Variants in TAF2 observed in about 807,000 individuals in gnomAD.
The protein encoded by TAF2 is transcription initiation factor TFIID subunit 2.
In TAF2, 61 loss-of-function variants were observed where a neutral mutation model predicts 138.5. That is an observed-to-expected ratio of 0.44 (90% CI 0.36 to 0.54). TAF2 has a LOEUF of 0.54. TAF2 is among the 20% of genes least tolerant of loss of function. The pLI is 0.00. For missense variants in TAF2, 1,090 were observed against 1,427.9 expected (o/e 0.76, Z 3.81); for synonymous variants, 475 against 469.9 (o/e 1.01, Z -0.14).
intron 20 of TAF2, among the ~76,000 whole-genome samples, chr8:119,759,240 A>C (rs1299330813): frequency 6.6e-6 from 1 of 152,150 alleles, no homozygotes; most frequent in Non-Finnish European, 1.5e-5. Flanking sequence ...CTTCAATAAA[A>C]AGGAAGCACA....
chr8:119,828,755 A>T (rs946952236), intron 2 of TAF2, among the ~76,000 whole-genome samples: 3 of 152,216 alleles, frequency 2.0e-5, no homozygotes, highest in African/African-American at 7.2e-5. Flanking sequence ...CACTAGAGGT[A>T]GCTAATATTT....
intron 5 of TAF2, among the ~76,000 whole-genome samples, chr8:119,802,696 T>C (rs181702038): frequency 6.6e-6 from 1 of 152,170 alleles, no homozygotes; most frequent in African/African-American, 2.4e-5. Context: ...GTGGATTACC[T>C]GAGGTCAGGA....
chr8:119,819,919 C>T (rs1825713545), intron 2 of TAF2, among the ~76,000 whole-genome samples: 2 of 152,006 alleles, frequency 1.3e-5, no homozygotes, highest in Non-Finnish European at 2.9e-5. Context: ...AAAATTATAC[C>T]ACTGAAGCTA....
At chr8:119,831,420 A>C (rs1182133674) in intron 2 of TAF2, among the ~76,000 whole-genome samples, 1 of 152,190 alleles carries the variant, frequency 6.6e-6, no homozygotes, top group Non-Finnish European at 1.5e-5. Context: ...ACAGGCTTTC[A>C]TATTATACAC....
intron 22 of TAF2, among the ~76,000 whole-genome samples, chr8:119,755,672 G>C (rs1820655112): frequency 1.3e-5 from 2 of 152,086 alleles, no homozygotes; most frequent in Middle Eastern, 3.4e-3. Flanking sequence ...CCACTAGATG[G>C]CCAGGGAAAG....
At chr8:119,789,127 A>C (rs768807085) in intron 12 of TAF2, among the ~76,000 whole-genome samples, 6 of 152,222 alleles carry the variant, frequency 3.9e-5, no homozygotes, top group Non-Finnish European at 7.3e-5. Context: ...TTGTGTTTTG[A>C]AAGAAGCAGA....
Position 119,789,729 on chromosome 8 carries a change from T to C in TAF2, c.1431A>G (p.Leu477=), listed in dbSNP as rs759874674. 17 of 1,613,648 alleles carry C rather than the reference T, an allele frequency of 1.1e-5. No homozygotes were observed. Among genetic ancestry groups the C allele is most frequent in the Non-Finnish European group, 6.8e-6 (8 of 1,179,890 alleles). Residue 477 remains leucine, a synonymous_variant, in exon 12 of 26, where the codon CTA becomes CTG. Coordinates refer to ENST00000378164, the MANE Select transcript of TAF2 (RefSeq NM_003184.4). The part of the protein sequence containing the change: ...EFMLQVFNKL[L]SLASTASSQK... ...GAGATGAAGCAGTACTAGCCAGACTTAGCAGTTTATTGAAAACCTGTAAGG... is the reference window on the plus strand; with the variant it reads ...GAGATGAAGCAGTACTAGCCAGACTCAGCAGTTTATTGAAAACCTGTAAGG...
At chr8:119,790,992 G>A (rs1249886876) in intron 11 of TAF2, among the ~76,000 whole-genome samples, 1 of 151,410 alleles carries the variant, frequency 6.6e-6, no homozygotes, top group East Asian at 1.9e-4. Context: ...AGATGGGGGG[G>A]GTCTTACTAT....
chr8:119,743,895 CATA>C (rs1226733549), intron 24 of TAF2, among the ~76,000 whole-genome samples: 2 of 152,000 alleles, frequency 1.3e-5, no homozygotes, highest in Non-Finnish European at 2.9e-5. Flanking sequence ...AAATGACTGA[CATA>C]ATATTATATG....
intron 6 of TAF2, among the ~76,000 whole-genome samples, chr8:119,798,066 T>C (rs576062970): frequency 2.6e-5 from 4 of 152,252 alleles, no homozygotes; most frequent in Admixed American, 2.6e-4. Flanking sequence ...GGATTATAAG[T>C]CTGTGGAATG....
At chr8:119,737,198 C>T (rs1240960408) in intron 25 of TAF2, among the ~76,000 whole-genome samples, 1 of 152,084 alleles carries the variant, frequency 6.6e-6, no homozygotes, top group Non-Finnish European at 1.5e-5. Flanking sequence ...TTAGAGTCAA[C>T]TGAAACTTAA....
Position 119,731,513 on chromosome 8 carries a change from G to A in TAF2, c.*411C>T. 4.3e-6 allele frequency: 1 copy of A among 232,444 alleles called. No individual in the cohort carries two copies. 14.4% of individuals were successfully genotyped at this position (232,444 alleles called of 1,614,324 possible). A position where few individuals can be genotyped will look rare whatever the true frequency, so the allele number is the denominator to read the frequency against. ...CAATATTTCACTGGAGATAGTGGTT[G>A]CACCACAGATTTGGCAGTTGCTTCT... On this transcript the variant is annotated 3_prime_UTR_variant, in exon 26 of 26. Transcript: ENST00000378164.
In TAF2 at chr8:119,742,518, GATTA is replaced by G. The variant is rs1185635258; in HGVS notation, c.3337+12_3337+15del. ...TCTTGAACAAAATAATATTAATTCT[GATTA>G]ATTATTTTTACCTGTTCCCTTCCGT... is the stretch of plus-strand genomic sequence containing the variant. On this transcript the variant is annotated intron_variant, in intron 25 of 25. Transcript: ENST00000378164. The G allele has an allele frequency of 4.3e-6, 7 of 1,612,432 alleles. No individual in the cohort carries two copies. The highest frequency in any genetic ancestry group is 1.7e-5 in the Admixed American group (1 of 59,918).
At chr8:119,811,399 A>G (rs926088270) in intron 3 of TAF2, among the ~76,000 whole-genome samples, 1 of 152,214 alleles carries the variant, frequency 6.6e-6, no homozygotes, top group Non-Finnish European at 1.5e-5. Context: ...GTAAACTTTT[A>G]TGGAAGTAAA....
At chr8:119,774,183 A>AT (rs1486716354) in intron 18 of TAF2, among the ~76,000 whole-genome samples, 3 of 152,050 alleles carry the variant, frequency 2.0e-5, no homozygotes, top group Non-Finnish European at 4.4e-5. Context: ...AAAAAAAAAA[A>AT]TTGATCTTTT....
chr8:119,776,196 A>G (rs1822219805), intron 18 of TAF2, among the ~76,000 whole-genome samples: 1 of 152,218 alleles, frequency 6.6e-6, no homozygotes, highest in Admixed American at 6.5e-5. Flanking sequence ...AGTATTAAAC[A>G]ACGTCAAGAA....
intron 2 of TAF2, among the ~76,000 whole-genome samples, chr8:119,823,778 T>A (rs972000646): frequency 2.0e-5 from 3 of 152,204 alleles, no homozygotes; most frequent in Non-Finnish European, 4.4e-5. Context: ...GACAGGAAAA[T>A]GCGGGAAAGT....
chr8:119,760,704 C>T lies in TAF2; in HGVS notation c.2593G>A (p.Gly865Arg). The change falls in exon 20 of 26, where the codon GGA becomes AGA. Residue 865 changes from glycine (G) to arginine (R), a missense_variant. By Grantham distance (125) the Gly-to-Arg change is moderately radical. Around this residue, in one of 3 missense-constraint regions of TAF2, gnomAD observed 580 missense variants for 719.6 expected, o/e 0.81. Coordinates refer to ENST00000378164, the MANE Select transcript of TAF2 (RefSeq NM_003184.4). ...AGAGCTGGATCACTTGGCACATGTC[C>T]GTTCTTCTGAAGTACCCGTATGGCT... Reference protein sequence around the residue: ...LRAIRVLQKNGHVPSDPALFK... With the variant: ...LRAIRVLQKNRHVPSDPALFK... The T allele has an allele frequency of 1.2e-6, 2 of 1,613,894 alleles. No homozygotes were observed. The highest frequency in any genetic ancestry group is 8.5e-7 in the Non-Finnish European group (1 of 1,179,922).
rs139355980 is a variant in TAF2, at chr8:119,775,740, T to C, written c.2364+2279A>G. Among the ~76,000 whole-genome samples, 247 of 151,972 alleles carry C rather than the reference T, an allele frequency of 1.6e-3. 1 individual carries two copies. Among genetic ancestry groups the C allele is most frequent in the African/African-American group, 5.6e-3 (233 of 41,456 alleles). On this transcript the variant is annotated intron_variant, in intron 18 of 25. Transcript: ENST00000378164. ...TAAATAAATAAATAAAAAATAAACG[T>C]TGATTGCTGAAAAAACTTTAACGTG...
Sources: allele counts gnomAD v4.1 joint callset (sites outside exome capture counted in the v4.1 genomes callset), GRCh38; gene constraint gnomAD v4.1.1; regional missense constraint gnomAD v4.1.1; transcripts MANE v1.5; gene names NCBI Gene and HGNC (gene_info 2026-07-23, HGNC 2026-07-21).